Variants in CACNA2D3 observed in about 807,000 individuals in gnomAD.
The protein encoded by CACNA2D3 is calcium voltage-gated channel auxiliary subunit alpha2delta 3.
CACNA2D3 carries 60 observed loss-of-function variants against 160.6 expected under a neutral mutation model. That is an observed-to-expected ratio of 0.37 (90% CI 0.30 to 0.46). The LOEUF is 0.46. CACNA2D3 is among the 20% of genes least tolerant of loss of function. CACNA2D3 has a pLI of 1.00. For synonymous variants in CACNA2D3, 558 were observed against 492.9 expected (o/e 1.13, Z -1.75); for missense variants, 1,205 against 1,365.0 (o/e 0.88, Z 1.85).
intron 4 of CACNA2D3, among the ~76,000 whole-genome samples, chr3:54,390,862 C>T (rs1353272721): frequency 1.3e-5 from 2 of 152,134 alleles, no homozygotes; most frequent in Non-Finnish European, 2.9e-5. Flanking sequence ...GTTCTGCTGA[C>T]CTCTCAGCAA....
intron 35 of CACNA2D3, among the ~76,000 whole-genome samples, chr3:55,031,857 A>G (rs1000537107): frequency 6.6e-6 from 1 of 152,166 alleles, no homozygotes; most frequent in African/African-American, 2.4e-5. Context: ...AGGATGTGGG[A>G]GAAATTATCA....
At chr3:54,811,085 C>G (rs896598557) in intron 13 of CACNA2D3, among the ~76,000 whole-genome samples, 2 of 152,170 alleles carry the variant, frequency 1.3e-5, no homozygotes, top group Non-Finnish European at 2.9e-5. Flanking sequence ...GTAACCTCAT[C>G]TACGTGCAGA....
intron 4 of CACNA2D3, among the ~76,000 whole-genome samples, chr3:54,424,443 G>A (rs918528038): frequency 4.6e-5 from 7 of 152,200 alleles, no homozygotes; most frequent in African/African-American, 1.4e-4. Flanking sequence ...TTGCCCTGAG[G>A]ACAATAACCA....
At chr3:54,770,564 G>C (rs1702302595) in intron 13 of CACNA2D3, among the ~76,000 whole-genome samples, 1 of 152,136 alleles carries the variant, frequency 6.6e-6, no homozygotes, top group Non-Finnish European at 1.5e-5. Context: ...TTCTAAACGG[G>C]AAAAGGGTTA....
At chr3:54,402,696 C>T (rs1225415353) in intron 4 of CACNA2D3, among the ~76,000 whole-genome samples, 1 of 151,942 alleles carries the variant, frequency 6.6e-6, no homozygotes, top group Admixed American at 6.6e-5. Context: ...ACTTTAATAT[C>T]CCACTTTCAA....
At chr3:54,526,246 T>C (rs1280330545) in intron 5 of CACNA2D3, among the ~76,000 whole-genome samples, 1 of 152,168 alleles carries the variant, frequency 6.6e-6, no homozygotes, top group Non-Finnish European at 1.5e-5. Flanking sequence ...TCTTTAATTA[T>C]GGTTTTCTTT....
intron 4 of CACNA2D3, among the ~76,000 whole-genome samples, chr3:54,478,679 T>TATAGCTATATATATATATA (rs1559493334): frequency 2.1e-5 from 1 of 47,768 alleles, no homozygotes; most frequent in Admixed American, 2.0e-4. Flanking sequence ...TATATATATA[T>TATAGCTATATATATATATA]TGCTTGTCAT....
chr3:54,822,424 C>T (rs557911734), intron 14 of CACNA2D3, among the ~76,000 whole-genome samples: 83 of 152,300 alleles, frequency 5.4e-4, no homozygotes, highest in African/African-American at 1.7e-3. Context: ...TTGTTCTCTG[C>T]CATAGTTCTG....
chr3:54,327,496 C>A (rs1704143273), intron 3 of CACNA2D3, among the ~76,000 whole-genome samples: 1 of 152,204 alleles, frequency 6.6e-6, no homozygotes, highest in Non-Finnish European at 1.5e-5. Context: ...TCCTCAACTT[C>A]ATGGTTATTT....
chr3:54,740,500 G>T (rs759164573), intron 11 of CACNA2D3, among the ~76,000 whole-genome samples: 2 of 152,048 alleles, frequency 1.3e-5, no homozygotes, highest in Non-Finnish European at 2.9e-5. Context: ...TAGAGTCCCT[G>T]GAAGGGCAAG....
intron 2 of CACNA2D3, among the ~76,000 whole-genome samples, chr3:54,303,696 A>G (rs1703528942): frequency 6.6e-6 from 1 of 152,188 alleles, no homozygotes; most frequent in African/African-American, 2.4e-5. Flanking sequence ...ATGATGCGTG[A>G]AAACACTTAG....
At chr3:54,827,501 G>A (rs1333873428) in intron 14 of CACNA2D3, among the ~76,000 whole-genome samples, 3 of 152,136 alleles carry the variant, frequency 2.0e-5, no homozygotes, top group Admixed American at 6.5e-5. Context: ...TGTCTTCTCC[G>A]TGCTGCTAAG....
intron 16 of CACNA2D3, among the ~76,000 whole-genome samples, chr3:54,840,016 A>G (rs1698785742): frequency 6.6e-6 from 1 of 152,190 alleles, no homozygotes; most frequent in African/African-American, 2.4e-5. Context: ...AGTGGACTTG[A>G]CTTTTGATGA....
chr3:54,700,430 T>G (rs1285123303), intron 11 of CACNA2D3, among the ~76,000 whole-genome samples: 1 of 152,196 alleles, frequency 6.6e-6, no homozygotes, highest in Non-Finnish European at 1.5e-5. Context: ...AATTAAAAAT[T>G]CAATTCCTTA....
chr3:54,763,910 G>T (rs1249241180), intron 12 of CACNA2D3, among the ~76,000 whole-genome samples: 1 of 72,216 alleles, frequency 1.4e-5, no homozygotes, highest in African/African-American at 5.7e-5. Flanking sequence ...GGGGGGGGGT[G>T]CATATAAAGT....
intron 2 of CACNA2D3, among the ~76,000 whole-genome samples, chr3:54,126,459 T>C (rs1253822272): frequency 6.6e-6 from 1 of 152,218 alleles, no homozygotes; most frequent in East Asian, 1.9e-4. Flanking sequence ...GTTTCTATGT[T>C]TAATACCATG....
intron 5 of CACNA2D3, among the ~76,000 whole-genome samples, chr3:54,545,429 T>G (rs1203903567): frequency 6.6e-6 from 1 of 152,226 alleles, no homozygotes; most frequent in Non-Finnish European, 1.5e-5. Flanking sequence ...ATGTATGGCT[T>G]GCTTGGTTTT....
intron 2 of CACNA2D3, among the ~76,000 whole-genome samples, chr3:54,160,040 T>C (rs1004012834): frequency 2.0e-5 from 3 of 152,246 alleles, no homozygotes; most frequent in Admixed American, 2.0e-4. Context: ...TGCTTGTTGA[T>C]CTACTCTTCA....
intron 9 of CACNA2D3, chr3:54,626,340 G>A: frequency 6.4e-7 from 1 of 1,555,756 alleles, no homozygotes; most frequent in East Asian, 2.4e-5. Context: ...GCCAGCAGCG[G>A]CGGCTGAACC....
Sources: allele counts gnomAD v4.1 joint callset (sites outside exome capture counted in the v4.1 genomes callset), GRCh38; gene constraint gnomAD v4.1.1; transcripts MANE v1.5; gene names NCBI Gene and HGNC (gene_info 2026-07-23, HGNC 2026-07-21).